The following MYO1E variants were observed in gnomAD, a reference collection of about 807,000 sequenced individuals.
MYO1E encodes the protein myosin IE.
In MYO1E, 68 loss-of-function variants were observed where a neutral mutation model predicts 151.1. The ratio of observed to expected loss-of-function variants is 0.45; its 90% CI spans 0.37 to 0.55. The LOEUF (loss-of-function observed/expected upper bound fraction) is 0.55, where lower values mean the gene tolerates loss of function less well. MYO1E is among the 20% of genes least tolerant of loss of function. MYO1E has a pLI of 0.00. For missense variants in MYO1E, 1,363 were observed against 1,389.3 expected (o/e 0.98, Z 0.30); for synonymous variants, 601 against 501.7 (o/e 1.20, Z -2.64).
chr15:59,252,492 AT>A (rs1467012691), intron 4 of MYO1E, among the ~76,000 whole-genome samples: 1 of 152,176 alleles, frequency 6.6e-6, no homozygotes, highest in Non-Finnish European at 1.5e-5. Context: ...AGACAGGCGG[AT>A]TACCTGAGGT....
intron 1 of MYO1E, among the ~76,000 whole-genome samples, chr15:59,276,779 G>A (rs1269465252): frequency 2.0e-5 from 3 of 152,202 alleles, no homozygotes; most frequent in African/African-American, 4.8e-5. Flanking sequence ...TTTTTCAAAG[G>A]TGGAACCTCA....
chr15:59,160,371 GTGTGTGTGTA>G (rs1366793983), intron 24 of MYO1E, among the ~76,000 whole-genome samples: 2 of 147,094 alleles, frequency 1.4e-5, no homozygotes, highest in Admixed American at 6.7e-5. Flanking sequence ...GTGTGTGTGT[GTGTGTGTGTA>G]TGGTGTTTTA....
In MYO1E at chr15:59,161,065, G is replaced by A. The variant is rs1419840201; in HGVS notation, c.2785+8C>T. The A allele has an allele frequency of 4.3e-6, 7 of 1,612,834 alleles. No homozygotes were observed. The highest frequency in any genetic ancestry group is 2.2e-5 in the East Asian group (1 of 44,828). ...CAGTTCTGCCTGCAGGGCCCGTGGA[G>A]CACTTACGGGAGTTCTTGGGCAGTC... On this transcript the variant is annotated splice_region_variant and intron_variant, in intron 24 of 27. Coordinates refer to ENST00000288235, the MANE Select transcript of MYO1E (RefSeq NM_004998.4).
At chr15:59,243,006 G>A (rs1328608986) in intron 4 of MYO1E, among the ~76,000 whole-genome samples, 4 of 151,988 alleles carry the variant, frequency 2.6e-5, no homozygotes, top group Non-Finnish European at 5.9e-5. Context: ...TGGCTTCATG[G>A]GGGCCAACGG....
intron 23 of MYO1E, among the ~76,000 whole-genome samples, chr15:59,162,436 G>C (rs1308551729): frequency 3.3e-5 from 5 of 152,016 alleles, no homozygotes; most frequent in African/African-American, 9.7e-5. Flanking sequence ...TTGAGGTTAG[G>C]AGTTCAAGAC....
chr15:59,335,512 C>A (rs2080722846), intron 1 of MYO1E, among the ~76,000 whole-genome samples: 1 of 151,800 alleles, frequency 6.6e-6, no homozygotes, highest in Non-Finnish European at 1.5e-5. Context: ...AAAAAAAAAA[C>A]CCACTTGGTT....
intron 14 of MYO1E, chr15:59,206,997 G>C (rs763906531): frequency 4.3e-6 from 7 of 1,613,840 alleles, no homozygotes; most frequent in Middle Eastern, 1.6e-4. Context: ...CGGTGGGAGC[G>C]AATTTCCTAT....
intron 22 of MYO1E, chr15:59,171,145 C>T (rs1250566744): frequency 1.3e-5 from 2 of 155,902 alleles, no homozygotes; most frequent in Non-Finnish European, 1.5e-5. Context: ...GGAGTTCTTA[C>T]CATGGGAGGA....
chr15:59,283,497 C>G (rs2080369573), intron 1 of MYO1E, among the ~76,000 whole-genome samples: 1 of 152,128 alleles, frequency 6.6e-6, no homozygotes, highest in South Asian at 2.1e-4. Flanking sequence ...AAACTGACCC[C>G]TAGGACCAAG....
intron 14 of MYO1E, chr15:59,207,591 T>C: frequency 6.2e-7 from 1 of 1,614,188 alleles, no homozygotes; most frequent in African/African-American, 1.3e-5. Flanking sequence ...TGGATACTGC[T>C]CGTTTTCGTT....
At chr15:59,194,236 G>A (rs2079752069) in intron 17 of MYO1E, among the ~76,000 whole-genome samples, 1 of 152,130 alleles carries the variant, frequency 6.6e-6, no homozygotes, top group Non-Finnish European at 1.5e-5. Flanking sequence ...GAACATAGTG[G>A]CCTGAAAAGA....
intron 1 of MYO1E, among the ~76,000 whole-genome samples, chr15:59,355,206 G>C (rs192255535): frequency 2.6e-5 from 4 of 152,208 alleles, no homozygotes; most frequent in Admixed American, 6.5e-5. Context: ...CCTCTCCGTC[G>C]TGACTTTCCA....
At chr15:59,312,933 C>T (rs1350740748) in intron 1 of MYO1E, among the ~76,000 whole-genome samples, 1 of 152,096 alleles carries the variant, frequency 6.6e-6, no homozygotes, top group Non-Finnish European at 1.5e-5. Flanking sequence ...CACAGCTAAT[C>T]AGGAAGCTGA....
chr15:59,230,007 T>C (rs769452311), intron 6 of MYO1E, among the ~76,000 whole-genome samples: 1 of 152,206 alleles, frequency 6.6e-6, no homozygotes, highest in South Asian at 2.1e-4. Context: ...AAAAGTATTG[T>C]TGGGCAAAGA....
intron 10 of MYO1E, among the ~76,000 whole-genome samples, chr15:59,215,676 G>A (rs547866443): frequency 2.6e-5 from 4 of 152,170 alleles, no homozygotes; most frequent in East Asian, 1.9e-4. Flanking sequence ...TTTTGTGAGC[G>A]AATGAGTAAT....
intron 12 of MYO1E, among the ~76,000 whole-genome samples, chr15:59,211,997 C>T (rs192547856): frequency 2.0e-5 from 3 of 152,166 alleles, no homozygotes; most frequent in Non-Finnish European, 4.4e-5. Context: ...CAAATCACAT[C>T]ATGTCACTCC....
chr15:59,148,186 G>A (rs1229921249), intron 26 of MYO1E, among the ~76,000 whole-genome samples: 1 of 152,190 alleles, frequency 6.6e-6, no homozygotes, highest in Non-Finnish European at 1.5e-5. Flanking sequence ...ACCAAGAGTA[G>A]AAAGATTAAG....
At chr15:59,137,809 A>G (rs1303861652) in intron 27 of MYO1E, among the ~76,000 whole-genome samples, 2 of 152,156 alleles carry the variant, frequency 1.3e-5, no homozygotes, top group African/African-American at 4.8e-5. Context: ...TTGTCTTGCT[A>G]CTGAAGTTGG....
At chr15:59,203,721 C>T (rs1428606058) in intron 15 of MYO1E, among the ~76,000 whole-genome samples, 5 of 152,200 alleles carry the variant, frequency 3.3e-5, no homozygotes, top group Non-Finnish European at 4.4e-5. Flanking sequence ...TGTGTTTATA[C>T]GTCTGCCTCA....
Sources: gnomAD v4.1 joint callset for allele counts (sites outside exome capture counted in the v4.1 genomes callset) on GRCh38, gnomAD v4.1.1 for gene constraint, MANE v1.5 for transcripts, NCBI Gene and HGNC (gene_info 2026-07-23, HGNC 2026-07-21) for gene names.